The following COX16 variants were observed in gnomAD, a reference collection of about 807,000 sequenced individuals.
COX16 encodes the protein cytochrome c oxidase assembly protein COX16 homolog, mitochondrial.
COX16 carries 12 observed loss-of-function variants against 15.4 expected under a neutral mutation model. The observed-to-expected ratio is 0.78, with a 90% CI of 0.50 to 1.26. The LOEUF is 1.26. COX16 is among the 50% of genes most tolerant of loss of function. COX16 has a pLI of 0.00. For synonymous variants in COX16, 46 were observed against 41.1 expected (o/e 1.12, Z -0.46); for missense variants, 124 against 127.6 (o/e 0.97, Z 0.14).
At chr14:70,343,144 G>A (rs1261295018) in intron 1 of COX16, among the ~76,000 whole-genome samples, 2 of 152,182 alleles carry the variant, frequency 1.3e-5, no homozygotes, top group Non-Finnish European at 2.9e-5. Context: ...GCCCAGGGAT[G>A]TCTCTGTAAT....
intron 2 of COX16, among the ~76,000 whole-genome samples, chr14:70,331,300 C>G (rs1215915943): frequency 1.3e-5 from 2 of 152,020 alleles, no homozygotes; most frequent in Non-Finnish European, 2.9e-5. Flanking sequence ...GCCACGGCAC[C>G]CAACCAAGTG....
At chr14:70,340,591 A>C (rs995483175) in intron 2 of COX16, among the ~76,000 whole-genome samples, 1 of 152,186 alleles carries the variant, frequency 6.6e-6, no homozygotes, top group African/African-American at 2.4e-5. Flanking sequence ...ATTTTATTTC[A>C]GGTTCCATTA....
At chr14:70,345,512 C>A (rs561462984) in intron 1 of COX16, among the ~76,000 whole-genome samples, 2 of 152,188 alleles carry the variant, frequency 1.3e-5, no homozygotes, top group Non-Finnish European at 2.9e-5. Context: ...TCATAAAAAA[C>A]CTGCAAACCT....
chr14:70,358,489 T>C (rs1887201444), intron 1 of COX16, among the ~76,000 whole-genome samples: 1 of 148,984 alleles, frequency 6.7e-6, no homozygotes, highest in African/African-American at 2.5e-5. Flanking sequence ...GTGTGAGCCA[T>C]CGTGCTTGGC....
At chr14:70,337,002 A>AT (rs1237877607) in intron 2 of COX16, among the ~76,000 whole-genome samples, 4 of 152,154 alleles carry the variant, frequency 2.6e-5, no homozygotes, top group African/African-American at 7.2e-5. Context: ...TTGAAAGCCC[A>AT]TTTTTTCCCT....
At chr14:70,354,633 G>T (rs972109777) in intron 1 of COX16, among the ~76,000 whole-genome samples, 2 of 152,140 alleles carry the variant, frequency 1.3e-5, no homozygotes, top group African/African-American at 4.8e-5. Flanking sequence ...GACCCTCCTG[G>T]ACCTCGACAT....
At chr14:70,341,273 TAC>T (rs1409760830) in intron 2 of COX16, among the ~76,000 whole-genome samples, 1 of 152,212 alleles carries the variant, frequency 6.6e-6, no homozygotes, top group Non-Finnish European at 1.5e-5. Context: ...TCATAGAAAG[TAC>T]ACATTTTTTT....
At chr14:70,349,261 C>CA (rs1273498730) in intron 1 of COX16, among the ~76,000 whole-genome samples, 1 of 152,196 alleles carries the variant, frequency 6.6e-6, no homozygotes, top group African/African-American at 2.4e-5. Flanking sequence ...TTTTCCTACC[C>CA]ACCAAGCCCG....
At chr14:70,326,540 A>T (rs889686365) in intron 3 of COX16, 91 bp from the exon 4 acceptor site, 3 of 930,896 alleles carry the variant, frequency 3.2e-6, no homozygotes, top group South Asian at 3.0e-5. Context: ...ATAAATGAGT[A>T]GAAAGTATCC....
At chr14:70,327,666 T>TAAAG (rs890743756) in intron 3 of COX16, among the ~76,000 whole-genome samples, 1 of 152,156 alleles carries the variant, frequency 6.6e-6, no homozygotes, top group African/African-American at 2.4e-5. Flanking sequence ...AAGATTTTAA[T>TAAAG]AAAGAATAAT....
Position 70,359,624 on chromosome 14 carries a change from G to A in COX16, c.-37C>T, listed in dbSNP as rs1887240436. 1 of 1,595,874 alleles carries A rather than the reference G, an allele frequency of 6.3e-7. No individual in the cohort carries two copies. Among genetic ancestry groups the A allele is most frequent in the Non-Finnish European group, 8.6e-7 (1 of 1,163,810 alleles). Reference sequence around the variant, plus strand: ...TCCATCGGCTCAGAACTCCAAGCGGGCCTAGCGCAGACTCCCAAATCTCAG... The same window carrying A: ...TCCATCGGCTCAGAACTCCAAGCGGACCTAGCGCAGACTCCCAAATCTCAG... On this transcript the variant is annotated 5_prime_UTR_variant, in exon 1 of 4. Coordinates refer to ENST00000389912, the MANE Select transcript of COX16 (RefSeq NM_016468.7).
At chr14:70,341,285 T>A (rs551591968) in intron 2 of COX16, among the ~76,000 whole-genome samples, 168 of 152,336 alleles carry the variant, frequency 1.1e-3, no homozygotes, top group African/African-American at 3.8e-3. Flanking sequence ...CACATTTTTT[T>A]AAATTTAAAA....
chr14:70,353,609 G>A lies in COX16; in HGVS notation c.69+5910C>T, dbSNP rs1049217170. On this transcript the variant is annotated intron_variant, in intron 1 of 3. Transcript: ENST00000389912. Reference sequence around the variant, plus strand: ...GCTCACTGCAACCTCCACCTCCCAGGCTCAAGTAATTCTCCCGTCTCAGTC... The same window carrying A: ...GCTCACTGCAACCTCCACCTCCCAGACTCAAGTAATTCTCCCGTCTCAGTC... Among the ~76,000 whole-genome samples the A allele has an allele frequency of 1.5e-4, 22 of 151,724 alleles. 1 individual carries two copies. Among genetic ancestry groups the A allele is most frequent in the Admixed American group, 1.4e-3 (22 of 15,242 alleles).
At chr14:70,352,279 CAGGTT>C (rs1886978344) in intron 1 of COX16, among the ~76,000 whole-genome samples, 1 of 152,022 alleles carries the variant, frequency 6.6e-6, no homozygotes. Context: ...CTCCGCTTCC[CAGGTT>C]CAAGCAATTC....
chr14:70,357,158 C>CAA lies in COX16; in HGVS notation c.69+2359_69+2360dup, dbSNP rs4048531. On this transcript the variant is annotated intron_variant, in intron 1 of 3. Coordinates refer to ENST00000389912, the MANE Select transcript of COX16 (RefSeq NM_016468.7). ...CAGACTTCTCCTAGGAAGCGTTTGTCAAAAAAAAAAAAAAAAAAAAAAAAA... is the reference window on the plus strand; with the variant it reads ...CAGACTTCTCCTAGGAAGCGTTTGTCAAAAAAAAAAAAAAAAAAAAAAAAAAA... Among the ~76,000 whole-genome samples the CAA allele has an allele frequency of 5.0e-3, 397 of 78,656 alleles. 12 individuals are homozygous for CAA. Among genetic ancestry groups the CAA allele is most frequent in the African/African-American group, 0.017 (356 of 20,668 alleles). The allele number at this position is 78,656 out of a possible 152,430, so 51.6% of individuals were successfully genotyped here.
At chr14:70,339,255 GAAA>G (rs987225247) in intron 2 of COX16, among the ~76,000 whole-genome samples, 14 of 151,946 alleles carry the variant, frequency 9.2e-5, no homozygotes, top group Admixed American at 7.2e-4. Flanking sequence ...GCACTCATGA[GAAA>G]AAAACAGCAA....
chr14:70,342,714 C>T lies in COX16; in HGVS notation c.85G>A (p.Gly29Ser), dbSNP rs769604991. ...GVPMLLLIVG[G>S]SFGLREFSQI... The stretch of plus-strand genomic sequence containing the variant: ...GAAAACTCACGAAGACCAAAAGAAC[C>T]TCCAACAATCAGCAACTAAAACAAA... The change falls in exon 2 of 4, where the codon GGT becomes AGT. Residue 29 changes from glycine to serine, a missense_variant. Coordinates refer to ENST00000389912, the MANE Select transcript of COX16 (RefSeq NM_016468.7). 3.1e-6 allele frequency: 5 copies of T among 1,612,540 alleles called. No homozygotes were observed. The highest frequency in any genetic ancestry group is 2.7e-5 in the African/African-American group (2 of 74,824).
At chr14:70,337,024 ACAC>A (rs550383530) in intron 2 of COX16, among the ~76,000 whole-genome samples, 46 of 152,312 alleles carry the variant, frequency 3.0e-4, no homozygotes, top group Admixed American at 1.7e-3. Context: ...GAAACCCTTG[ACAC>A]ACCTGGTAAA....
intron 1 of COX16, among the ~76,000 whole-genome samples, chr14:70,350,397 C>T (rs1446611008): frequency 1.3e-5 from 2 of 152,114 alleles, no homozygotes; most frequent in African/African-American, 4.8e-5. Context: ...TGCACCCAGG[C>T]GCTCATTAAA....
Sources: allele counts gnomAD v4.1 joint callset (sites outside exome capture counted in the v4.1 genomes callset), GRCh38; gene constraint gnomAD v4.1.1; transcripts MANE v1.5; gene names NCBI Gene and HGNC (gene_info 2026-07-23, HGNC 2026-07-21).